PRKCA: variants seen among roughly 807,000 people sequenced by gnomAD.
PRKCA encodes the protein protein kinase C alpha.
Under a neutral mutation model 87.0 loss-of-function variants are expected in PRKCA, and 27 were observed. The ratio of observed to expected loss-of-function variants is 0.31; its 90% CI spans 0.23 to 0.43. The LOEUF is 0.43. Ranked by LOEUF, PRKCA falls within the 20% of genes least tolerant of loss-of-function variation. PRKCA has a pLI of 1.00. For synonymous variants in PRKCA, 329 were observed against 311.1 expected (o/e 1.06, Z -0.61); for missense variants, 518 against 852.3 (o/e 0.61, Z 4.88).
chr17:66,569,574 A>T (rs899052871), intron 3 of PRKCA, among the ~76,000 whole-genome samples: 1 of 148,510 alleles, frequency 6.7e-6, no homozygotes, highest in Admixed American at 6.7e-5. Context: ...CATCTCAAAA[A>T]AAAAGAAAAC....
chr17:66,641,260 T>A (rs1971289512), intron 3 of PRKCA, 95 bp from the exon 4 acceptor site: 1 of 779,486 alleles, frequency 1.3e-6, no homozygotes, highest in African/African-American at 1.7e-5. Flanking sequence ...GAACCTTGAC[T>A]TGGGGCTGGG....
At chr17:66,678,408 C>A (rs1168817354) in intron 5 of PRKCA, among the ~76,000 whole-genome samples, 1 of 152,172 alleles carries the variant, frequency 6.6e-6, no homozygotes, top group African/African-American at 2.4e-5. Context: ...ATACTTTGTT[C>A]CAGCAGCCAC....
intron 2 of PRKCA, among the ~76,000 whole-genome samples, chr17:66,432,247 A>G (rs951829724): frequency 1.3e-5 from 2 of 152,142 alleles, no homozygotes; most frequent in Non-Finnish European, 2.9e-5. Flanking sequence ...GGTCATTAGC[A>G]GGGTCCTTGG....
At chr17:66,629,392 C>G (rs1256861353) in intron 3 of PRKCA, among the ~76,000 whole-genome samples, 10 of 152,358 alleles carry the variant, frequency 6.6e-5, no homozygotes, top group African/African-American at 2.4e-4. Flanking sequence ...ATTTGACCCA[C>G]ATCATCACAG....
At chr17:66,358,867 C>T (rs188340187) in intron 2 of PRKCA, among the ~76,000 whole-genome samples, 89 of 151,562 alleles carry the variant, frequency 5.9e-4, no homozygotes, top group Non-Finnish European at 8.7e-4. Context: ...TGGTTACATA[C>T]GTTGTGTCAC....
chr17:66,693,744 G>A (rs978016038), intron 8 of PRKCA, among the ~76,000 whole-genome samples: 4 of 152,174 alleles, frequency 2.6e-5, no homozygotes, highest in Non-Finnish European at 4.4e-5. Flanking sequence ...GGCTTTATGG[G>A]CCATGCGGTG....
At chr17:66,622,001 G>A (rs1224813223) in intron 3 of PRKCA, among the ~76,000 whole-genome samples, 1 of 151,566 alleles carries the variant, frequency 6.6e-6, no homozygotes, top group African/African-American at 2.4e-5. Context: ...CAGGAGTTCA[G>A]GATCAGCCCG....
At chr17:66,711,947 C>T (rs548047291) in intron 8 of PRKCA, among the ~76,000 whole-genome samples, 1 of 152,278 alleles carries the variant, frequency 6.6e-6, no homozygotes, top group East Asian at 1.9e-4. Context: ...TTTCCTAAGT[C>T]TTGCAGAGTG....
intron 3 of PRKCA, among the ~76,000 whole-genome samples, chr17:66,504,324 C>A (rs542696621): frequency 2.2e-4 from 34 of 151,714 alleles, no homozygotes; most frequent in Non-Finnish European, 3.1e-4. Flanking sequence ...AGCAGTGGCC[C>A]ACGCCTGTAA....
intron 2 of PRKCA, among the ~76,000 whole-genome samples, chr17:66,451,004 T>C (rs1159419047): frequency 4.6e-5 from 7 of 152,216 alleles, no homozygotes; most frequent in African/African-American, 2.4e-5. Flanking sequence ...TCTGTTAAGA[T>C]TGTTGAGTGA....
intron 3 of PRKCA, among the ~76,000 whole-genome samples, chr17:66,564,672 G>T (rs1968830864): frequency 6.6e-6 from 1 of 152,096 alleles, no homozygotes; most frequent in African/African-American, 2.4e-5. Flanking sequence ...CTCCACAGTA[G>T]CACTACTGTT....
chr17:66,527,930 G>T (rs1802889251), intron 3 of PRKCA, among the ~76,000 whole-genome samples: 7 of 152,162 alleles, frequency 4.6e-5, no homozygotes, highest in Admixed American at 3.9e-4. Context: ...GGGCGCGGTA[G>T]CTCACGCCTG....
chr17:66,433,512 C>T (rs1393607577), intron 2 of PRKCA, among the ~76,000 whole-genome samples: 2 of 152,120 alleles, frequency 1.3e-5, no homozygotes, highest in Non-Finnish European at 2.9e-5. Context: ...GCTTGAGTTC[C>T]TCCAGCTCAG....
chr17:66,482,112 A>G (rs941073483), intron 2 of PRKCA, among the ~76,000 whole-genome samples: 4 of 150,198 alleles, frequency 2.7e-5, no homozygotes, highest in South Asian at 2.1e-4. Flanking sequence ...AAAAAAAAAA[A>G]AAAAAGAAAA....
At chr17:66,633,382 C>T (rs1567944589) in intron 3 of PRKCA, among the ~76,000 whole-genome samples, 1 of 152,050 alleles carries the variant, frequency 6.6e-6, no homozygotes, top group Non-Finnish European at 1.5e-5. Context: ...GCTAGATTTG[C>T]CCTTGAAGCA....
At chr17:66,315,180 C>T (rs1905255613) in intron 2 of PRKCA, among the ~76,000 whole-genome samples, 2 of 152,144 alleles carry the variant, frequency 1.3e-5, no homozygotes, top group African/African-American at 4.8e-5. Context: ...GTTCTAAGCA[C>T]TCACTTTTAA....
intron 3 of PRKCA, among the ~76,000 whole-genome samples, chr17:66,564,428 G>T (rs1237721389): frequency 6.6e-6 from 1 of 152,100 alleles, no homozygotes; most frequent in African/African-American, 2.4e-5. Flanking sequence ...ATTACCTACA[G>T]CTCACATAAT....
intron 5 of PRKCA, among the ~76,000 whole-genome samples, chr17:66,658,086 C>A (rs545858282): frequency 6.6e-6 from 1 of 152,102 alleles, no homozygotes; most frequent in Non-Finnish European, 1.5e-5. Context: ...AGGAAACTTA[C>A]GATCATGGCA....
intron 3 of PRKCA, among the ~76,000 whole-genome samples, chr17:66,519,187 G>A (rs574385256): frequency 1.3e-5 from 2 of 152,254 alleles, no homozygotes; most frequent in African/African-American, 4.8e-5. Flanking sequence ...TGAGAAAGGA[G>A]GATTTGGAAG....
Sources: allele counts gnomAD v4.1 joint callset (sites outside exome capture counted in the v4.1 genomes callset), GRCh38; gene constraint gnomAD v4.1.1; transcripts MANE v1.5; gene names NCBI Gene and HGNC (gene_info 2026-07-23, HGNC 2026-07-21).